GALNT13: variants seen among roughly 807,000 people sequenced by gnomAD.
The protein encoded by GALNT13 is polypeptide N-acetylgalactosaminyltransferase 13.
A neutral mutation model predicts 64.2 loss-of-function variants in GALNT13; 28 were observed. That is an observed-to-expected ratio of 0.44 (90% confidence interval 0.32 to 0.60). GALNT13 has a LOEUF of 0.60. GALNT13 is among the 20% of genes least tolerant of loss of function. GALNT13 has a pLI of 0.05. For missense variants in GALNT13, 577 were observed against 669.8 expected (o/e 0.86, Z 1.53); for synonymous variants, 214 against 224.6 (o/e 0.95, Z 0.42).
chr2:153,163,309 T>A, the GALNT13 span, among the ~76,000 whole-genome samples: 3 of 152,052 alleles, frequency 2.0e-5, no homozygotes, highest in Admixed American at 2.0e-4. Context: ...CAAACTGAGG[T>A]GGGTTTGAGA....
chr2:153,313,311 T>A, the GALNT13 span, among the ~76,000 whole-genome samples: 1 of 152,204 alleles, frequency 6.6e-6, no homozygotes, highest in African/African-American at 2.4e-5. Context: ...TGTCCATCAA[T>A]GGCAGCATGG....
At chr2:153,382,261 C>T in the GALNT13 span, among the ~76,000 whole-genome samples, 1 of 152,044 alleles carries the variant, frequency 6.6e-6, no homozygotes, top group African/African-American at 2.4e-5. Flanking sequence ...AGGTTTGCTA[C>T]ATGGGTATAT....
the GALNT13 span, among the ~76,000 whole-genome samples, chr2:153,690,225 A>C: frequency 3.3e-5 from 5 of 152,116 alleles, no homozygotes; most frequent in Non-Finnish European, 7.4e-5. Flanking sequence ...TGTGCCTTTC[A>C]ATTGTCTACT....
At chr2:153,652,488 G>C in the GALNT13 span, among the ~76,000 whole-genome samples, 1 of 152,006 alleles carries the variant, frequency 6.6e-6, no homozygotes, top group Non-Finnish European at 1.5e-5. Context: ...GGTGTCATCT[G>C]CCTGTAAGCC....
At chr2:154,411,345 C>A (rs1470067054) in intron 11 of GALNT13, among the ~76,000 whole-genome samples, 1 of 78,658 alleles carries the variant, frequency 1.3e-5, no homozygotes, top group Non-Finnish European at 3.0e-5. Context: ...CACACACACA[C>A]ACACACACAC....
chr2:153,411,044 T>C, the GALNT13 span, among the ~76,000 whole-genome samples: 2 of 151,776 alleles, frequency 1.3e-5, no homozygotes, highest in Non-Finnish European at 2.9e-5. Context: ...TTTGTAGAGA[T>C]GAAGTTTCGC....
intron 4 of GALNT13, among the ~76,000 whole-genome samples, chr2:154,224,756 T>C (rs1365986277): frequency 6.6e-6 from 1 of 152,058 alleles, no homozygotes; most frequent in Non-Finnish European, 1.5e-5. Context: ...AAGAAAAGAA[T>C]AAGCTGCACA....
the GALNT13 span, among the ~76,000 whole-genome samples, chr2:153,153,005 A>T: frequency 6.6e-6 from 1 of 152,168 alleles, no homozygotes; most frequent in Non-Finnish European, 1.5e-5. Flanking sequence ...CAATGGTTGA[A>T]CTAATTTACA....
the GALNT13 span, among the ~76,000 whole-genome samples, chr2:153,484,637 T>A: frequency 6.6e-6 from 1 of 152,352 alleles, no homozygotes; most frequent in African/African-American, 2.4e-5. Context: ...CAACTTTGGC[T>A]ACATGTTAAA....
At chr2:154,131,488 G>A (rs185656665) in intron 3 of GALNT13, among the ~76,000 whole-genome samples, 1 of 152,194 alleles carries the variant, frequency 6.6e-6, no homozygotes, top group East Asian at 1.9e-4. Flanking sequence ...GTGCTCCTCT[G>A]CCCGCTTCTC....
At chr2:153,367,607 C>G in the GALNT13 span, among the ~76,000 whole-genome samples, 1 of 152,046 alleles carries the variant, frequency 6.6e-6, no homozygotes, top group African/African-American at 2.4e-5. Context: ...AGATTTTCTC[C>G]TCAGAGCCTC....
chr2:153,719,826 G>A, the GALNT13 span, among the ~76,000 whole-genome samples: 3 of 150,152 alleles, frequency 2.0e-5, no homozygotes, highest in South Asian at 2.1e-4. Flanking sequence ...ACGGAATCTC[G>A]CTGATTGCTA....
chr2:154,001,876 T>C (rs1167917378), intron 3 of GALNT13, among the ~76,000 whole-genome samples: 1 of 152,106 alleles, frequency 6.6e-6, no homozygotes, highest in Non-Finnish European at 1.5e-5. Context: ...TAGCTTTTGT[T>C]TTTCTGGTAA....
At chr2:153,335,731 G>A in the GALNT13 span, among the ~76,000 whole-genome samples, 11 of 152,298 alleles carry the variant, frequency 7.2e-5, no homozygotes, top group East Asian at 5.8e-4. Flanking sequence ...AATTCAAGCC[G>A]GCTGCAGAAA....
intron 2 of GALNT13, among the ~76,000 whole-genome samples, chr2:153,939,808 G>A (rs969799094): frequency 5.3e-5 from 8 of 152,142 alleles, no homozygotes; most frequent in African/African-American, 1.7e-4. Flanking sequence ...GAGGTTACGT[G>A]TTACATCCCT....
chr2:153,366,598 A>G, the GALNT13 span, among the ~76,000 whole-genome samples: 1 of 151,964 alleles, frequency 6.6e-6, no homozygotes, highest in African/African-American at 2.4e-5. Flanking sequence ...AAGAAAATGG[A>G]AGAAATATTT....
At chr2:154,021,385 GGTTTGTA>G (rs1697478440) in intron 3 of GALNT13, among the ~76,000 whole-genome samples, 1 of 152,070 alleles carries the variant, frequency 6.6e-6, no homozygotes, top group Non-Finnish European at 1.5e-5. Context: ...CTTGAGCAGT[GGTTTGTA>G]GTTCTCCTTG....
the GALNT13 span, among the ~76,000 whole-genome samples, chr2:153,447,874 G>T: frequency 1.3e-5 from 2 of 152,110 alleles, no homozygotes; most frequent in Non-Finnish European, 2.9e-5. Flanking sequence ...ATCATTCATT[G>T]TGATCAAATT....
At chr2:154,230,756 G>T (rs1156617771) in intron 4 of GALNT13, among the ~76,000 whole-genome samples, 1 of 152,030 alleles carries the variant, frequency 6.6e-6, no homozygotes, top group Non-Finnish European at 1.5e-5. Context: ...AACCCCAGAA[G>T]AATTATCTAT....
Sources: allele counts gnomAD v4.1 joint callset (sites outside exome capture counted in the v4.1 genomes callset), GRCh38; gene constraint gnomAD v4.1.1; transcripts MANE v1.5; gene names NCBI Gene and HGNC (gene_info 2026-07-23, HGNC 2026-07-21).